NALCN: variants seen among roughly 807,000 people sequenced by gnomAD.
NALCN encodes the protein sodium leak channel NALCN.
A neutral mutation model predicts 225.3 loss-of-function variants in NALCN; 111 were observed. The observed-to-expected ratio is 0.49, with a 90% CI of 0.42 to 0.58. The LOEUF is 0.58. NALCN is among the 20% of genes least tolerant of loss of function. The pLI is 0.00. For missense variants in NALCN, 1,378 were observed against 2,202.4 expected (o/e 0.63, Z 7.49); for synonymous variants, 764 against 769.0 (o/e 0.99, Z 0.11).
At chr13:101,189,592 C>T (rs951775705) in intron 14 of NALCN, among the ~76,000 whole-genome samples, 1 of 152,142 alleles carries the variant, frequency 6.6e-6, no homozygotes, top group Non-Finnish European at 1.5e-5. Context: ...AATCAGATAT[C>T]GAGTGACCAG....
intron 14 of NALCN, among the ~76,000 whole-genome samples, chr13:101,182,436 A>G (rs2039279195): frequency 6.6e-6 from 1 of 152,224 alleles, no homozygotes; most frequent in African/African-American, 2.4e-5. Context: ...GGAGGCAACA[A>G]ATTTAAAAAT....
At chr13:101,101,048 C>A (rs889331100) in intron 26 of NALCN, among the ~76,000 whole-genome samples, 160 bp from the exon 27 acceptor site, 2 of 151,952 alleles carry the variant, frequency 1.3e-5, no homozygotes, top group Non-Finnish European at 2.9e-5. Context: ...ACACAATTAG[C>A]CTTACTGGAA....
chr13:101,333,561 G>C (rs186916260), intron 7 of NALCN, among the ~76,000 whole-genome samples: 1 of 152,164 alleles, frequency 6.6e-6, no homozygotes, highest in Non-Finnish European at 1.5e-5. Context: ...AAGGCTGGGG[G>C]CTTTCTCTCC....
intron 17 of NALCN, among the ~76,000 whole-genome samples, chr13:101,132,741 A>G (rs981364638): frequency 6.6e-6 from 1 of 152,116 alleles, no homozygotes; most frequent in African/African-American, 2.4e-5. Context: ...TCAGTGTTCA[A>G]ATCTTTTCAC....
At chr13:101,364,151 T>C (rs2046321733) in intron 6 of NALCN, among the ~76,000 whole-genome samples, 1 of 151,984 alleles carries the variant, frequency 6.6e-6, no homozygotes, top group African/African-American at 2.4e-5. Context: ...ACAGCCACTG[T>C]GAAAAACAGT....
intron 37 of NALCN, 149 bp from the exon 38 acceptor site, chr13:101,068,976 A>G: frequency 1.3e-6 from 1 of 746,432 alleles, no homozygotes; most frequent in South Asian, 3.8e-5. Context: ...CATTGGGTAC[A>G]TCATCTGTAG....
chr13:101,280,271 C>T (rs1399414650), intron 10 of NALCN, among the ~76,000 whole-genome samples: 3 of 152,108 alleles, frequency 2.0e-5, no homozygotes, highest in Non-Finnish European at 4.4e-5. Context: ...ATTACCTGAC[C>T]CCTTTCCCCC....
chr13:101,091,186 G>T (rs1363337891), intron 28 of NALCN, among the ~76,000 whole-genome samples: 1 of 151,986 alleles, frequency 6.6e-6, no homozygotes, highest in African/African-American at 2.4e-5. Context: ...GAAAATCATG[G>T]ACTATATTTC....
At chr13:101,232,636 C>T (rs1257644368) in intron 12 of NALCN, among the ~76,000 whole-genome samples, 1 of 151,736 alleles carries the variant, frequency 6.6e-6, no homozygotes, top group Non-Finnish European at 1.5e-5. Flanking sequence ...TTAGTAGAGA[C>T]GGGGTTTCAC....
intron 1 of NALCN, among the ~76,000 whole-genome samples, chr13:101,402,179 A>G (rs773643889): frequency 5.3e-5 from 8 of 152,230 alleles, no homozygotes; most frequent in Non-Finnish European, 7.3e-5. Flanking sequence ...TCTGTTTACC[A>G]AAGTGTCCTT....
chr13:101,396,890 T>C (rs1000893008), intron 2 of NALCN, among the ~76,000 whole-genome samples: 1 of 151,598 alleles, frequency 6.6e-6, no homozygotes, highest in African/African-American at 2.4e-5. Context: ...AGCTCTGTAA[T>C]AAGATGGACA....
At chr13:101,393,145 C>A (rs534377714) in intron 3 of NALCN, among the ~76,000 whole-genome samples, 4 of 152,282 alleles carry the variant, frequency 2.6e-5, no homozygotes, top group African/African-American at 9.6e-5. Flanking sequence ...ACTTCTAACA[C>A]ACACAGAGTG....
Position 101,399,135 on chromosome 13 carries a change from T to C in NALCN, c.-9A>G. ...TGCTTCCTTTTGAGCATGCTGAGGTTAGCTTTGGTGAGCAAGCACAAAACC... is the reference window on the plus strand; with the variant it reads ...TGCTTCCTTTTGAGCATGCTGAGGTCAGCTTTGGTGAGCAAGCACAAAACC... On this transcript the variant is annotated 5_prime_UTR_variant, in exon 2 of 44. The change abolishes the stop of an existing upstream ORF in the 5' untranslated region. Coordinates refer to ENST00000251127, the MANE Select transcript of NALCN (RefSeq NM_052867.4). 6.2e-7 allele frequency: 1 copy of C among 1,613,014 alleles called. No homozygotes were observed. Among genetic ancestry groups the C allele is most frequent in the Non-Finnish European group, 8.5e-7 (1 of 1,179,274 alleles).
intron 11 of NALCN, among the ~76,000 whole-genome samples, chr13:101,257,211 T>G (rs2042263405): frequency 1.2e-5 from 1 of 83,348 alleles, no homozygotes; most frequent in African/African-American, 3.2e-5. Flanking sequence ...TGTTTATTGT[T>G]TTTTTTTTTT....
At chr13:101,347,953 G>A (rs74117880) in intron 6 of NALCN, among the ~76,000 whole-genome samples, 2,099 of 152,214 alleles carry the variant, frequency 0.014, 44 homozygotes, top group African/African-American at 0.047. Flanking sequence ...CTTGTTAAAA[G>A]AGGAGAAGAA....
chr13:101,136,720 T>C (rs966584619), intron 17 of NALCN, among the ~76,000 whole-genome samples: 1 of 152,206 alleles, frequency 6.6e-6, no homozygotes. Flanking sequence ...GACATTTGGG[T>C]TGGTTCCAGG....
At chr13:101,325,157 G>C (rs974069267) in intron 7 of NALCN, among the ~76,000 whole-genome samples, 10 of 152,128 alleles carry the variant, frequency 6.6e-5, no homozygotes, top group Non-Finnish European at 2.9e-5. Flanking sequence ...TCTTCCACAT[G>C]AAACAGCACA....
chr13:101,065,612 C>G, intron 39 of NALCN, 51 bp from the exon 40 acceptor site: 2 of 1,567,148 alleles, frequency 1.3e-6, no homozygotes, highest in Non-Finnish European at 1.7e-6. Flanking sequence ...CGATGATTCA[C>G]TTGGGTTTCT....
chr13:101,155,063 T>C (rs2037839846), intron 15 of NALCN, among the ~76,000 whole-genome samples: 1 of 152,214 alleles, frequency 6.6e-6, no homozygotes, highest in Non-Finnish European at 1.5e-5. Flanking sequence ...CTAATTTCTA[T>C]GTTGCATTAT....
Sources: allele counts gnomAD v4.1 joint callset (sites outside exome capture counted in the v4.1 genomes callset), GRCh38; gene constraint gnomAD v4.1.1; transcripts MANE v1.5; gene names NCBI Gene and HGNC (gene_info 2026-07-23, HGNC 2026-07-21).